The following EIF2B3 variants were observed in gnomAD, a reference collection of about 807,000 sequenced individuals.
EIF2B3 encodes the protein translation initiation factor eIF2B subunit gamma.
In EIF2B3, 20 loss-of-function variants were observed where a neutral mutation model predicts 54.1. The ratio of observed to expected loss-of-function variants is 0.37; its 90% confidence interval spans 0.26 to 0.54. The LOEUF (loss-of-function observed/expected upper bound fraction) is 0.54, where lower values mean the gene tolerates loss of function less well. EIF2B3 is among the 20% of genes least tolerant of loss of function. The probability of loss-of-function intolerance (pLI) is 0.86; values close to 1 mark genes in which losing one functional copy is unlikely to be tolerated. For synonymous variants in EIF2B3, 153 were observed against 188.1 expected, an observed-to-expected ratio of 0.81 and a Z score of 1.52; for missense variants, 448 against 547.8, an observed-to-expected ratio of 0.82 and a Z score of 1.82.
chr1:44,933,070 T>C lies in EIF2B3; in HGVS notation c.455-6331A>G, dbSNP rs1156945041. Among the ~76,000 whole-genome samples the C allele has an allele frequency of 1.3e-5, 2 of 151,994 alleles. 1 individual carries two copies. The highest frequency in any genetic ancestry group is 4.8e-5 in the African/African-American group (2 of 41,378). ...GCTTTAGGAGAGGTACCTTGAAGAA[T>C]TTGAAATTGAGAGGACATCTAGTGT... On this transcript the variant is annotated intron_variant, in intron 4 of 11. Coordinates refer to ENST00000360403, the MANE Select transcript of EIF2B3 (RefSeq NM_020365.5).
intron 4 of EIF2B3, among the ~76,000 whole-genome samples, chr1:44,935,759 C>T (rs1377378645): frequency 6.6e-6 from 1 of 152,160 alleles, no homozygotes; most frequent in Non-Finnish European, 1.5e-5. Flanking sequence ...CCTTGGCCTC[C>T]CAAACTGCTG....
At chr1:44,906,175 TCAG>T (rs1643407567) in intron 5 of EIF2B3, among the ~76,000 whole-genome samples, 1 of 152,222 alleles carries the variant, frequency 6.6e-6, no homozygotes, top group African/African-American at 2.4e-5. Context: ...ATATGACATT[TCAG>T]CAGGTCATGC....
At chr1:44,957,755 C>T (rs562686111) in intron 3 of EIF2B3, among the ~76,000 whole-genome samples, 17 of 151,608 alleles carry the variant, frequency 1.1e-4, no homozygotes, top group Admixed American at 3.3e-4. Context: ...AGCAAGACTC[C>T]GTCTCCAAAA....
rs367765945 is a variant in EIF2B3 at position 44,850,991 on chromosome 1, T to C, written c.1319A>G (p.Asn440Ser). The C allele has an allele frequency of 1.9e-6, 3 of 1,613,974 alleles. No homozygotes were observed. The highest frequency in any genetic ancestry group is 2.5e-6 in the Non-Finnish European group (3 of 1,180,026). ...QRIEAKAKRV[N>S]EVIVGNDQLM... ...CTGGTCATTCCCCACGATCACCTCA[T>C]TCACTCGTTTAGCTACAAAAGAAAA... The change falls in exon 12 of 12, where the codon AAT (asparagine) becomes AGT (serine). Residue 440 changes from asparagine to serine, a missense_variant. Asn to Ser is a conservative substitution (Grantham distance 46, BLOSUM62 1). Around this residue, in one of 3 missense-constraint regions of EIF2B3, gnomAD observed 350 missense variants for 414.2 expected, o/e 0.85. Coordinates refer to ENST00000360403, the MANE Select transcript of EIF2B3 (RefSeq NM_020365.5).
At chr1:44,925,234 C>A (rs1228581330) in intron 5 of EIF2B3, 1 of 152,154 alleles carries the variant, frequency 6.6e-6, no homozygotes, top group East Asian at 1.9e-4. Context: ...TGTCTGTACA[C>A]CCACGTTCAC....
chr1:44,870,247 T>G (rs544335976), intron 10 of EIF2B3, among the ~76,000 whole-genome samples: 124 of 152,224 alleles, frequency 8.1e-4, no homozygotes, highest in African/African-American at 2.9e-3. Flanking sequence ...ACAAAGACTT[T>G]ATCTCTGGGT....
At chr1:44,903,468 AGTT>A (rs1194464162) in intron 5 of EIF2B3, among the ~76,000 whole-genome samples, 1 of 152,170 alleles carries the variant, frequency 6.6e-6, no homozygotes, top group African/African-American at 2.4e-5. Context: ...GGAGGAACTG[AGTT>A]GTTTTTATCC....
At chr1:44,982,233 T>C (rs1644521862) in intron 1 of EIF2B3, among the ~76,000 whole-genome samples, 3 of 152,202 alleles carry the variant, frequency 2.0e-5, no homozygotes, top group African/African-American at 4.8e-5. Context: ...CTATTTGACT[T>C]TGAAAAGAAT....
chr1:44,954,990 T>C (rs992123433), intron 3 of EIF2B3, among the ~76,000 whole-genome samples: 4 of 152,226 alleles, frequency 2.6e-5, no homozygotes, highest in African/African-American at 9.6e-5. Flanking sequence ...ATGTGGTTTT[T>C]GTCATTGTTT....
intron 11 of EIF2B3, among the ~76,000 whole-genome samples, chr1:44,854,809 G>A (rs562605988): frequency 5.3e-5 from 8 of 151,870 alleles, no homozygotes; most frequent in Non-Finnish European, 7.4e-5. Flanking sequence ...GGCTGGTCTC[G>A]AACTCTTGAC....
At chr1:44,960,637 CA>C (rs201917525) in intron 3 of EIF2B3, among the ~76,000 whole-genome samples, 4 of 141,442 alleles carry the variant, frequency 2.8e-5, no homozygotes, top group Admixed American at 7.1e-5. Context: ...GACCCCGTCT[CA>C]AAAAAAAAAG....
At chr1:44,903,055 G>C (rs540433257) in intron 5 of EIF2B3, among the ~76,000 whole-genome samples, 10 of 152,042 alleles carry the variant, frequency 6.6e-5, no homozygotes, top group Admixed American at 4.6e-4. Context: ...CACAGCTACT[G>C]GTCTATGAGA....
intron 11 of EIF2B3, among the ~76,000 whole-genome samples, chr1:44,853,353 G>A (rs1229543082): frequency 6.6e-6 from 1 of 152,102 alleles, no homozygotes; most frequent in Admixed American, 6.6e-5. Flanking sequence ...GCTCGCTCCT[G>A]CAATCCAGCA....
intron 7 of EIF2B3, 87 bp from the exon 8 acceptor site, chr1:44,880,095 T>C (rs1655341819): frequency 1.4e-6 from 2 of 1,442,134 alleles, no homozygotes; most frequent in South Asian, 2.4e-5. Flanking sequence ...TTTTTGTTTA[T>C]TTAAGAGACG....
At chr1:44,916,774 TG>T (rs1479454244) in intron 5 of EIF2B3, among the ~76,000 whole-genome samples, 1 of 148,104 alleles carries the variant, frequency 6.8e-6, no homozygotes, top group Admixed American at 6.8e-5. Context: ...AGTGAGCCAC[TG>T]TACTCCAGCC....
At chr1:44,983,220 T>C (rs1356256622) in intron 1 of EIF2B3, among the ~76,000 whole-genome samples, 3 of 152,238 alleles carry the variant, frequency 2.0e-5, no homozygotes, top group African/African-American at 7.2e-5. Flanking sequence ...GACCGATCTT[T>C]ACTGATTTAA....
chr1:44,888,868 A>G (rs1254350078), intron 6 of EIF2B3, among the ~76,000 whole-genome samples: 1 of 152,192 alleles, frequency 6.6e-6, no homozygotes, highest in East Asian at 1.9e-4. Context: ...GAATTCTGGG[A>G]TTCATGTCAT....
chr1:44,977,769 T>C (rs1436433721), intron 3 of EIF2B3, among the ~76,000 whole-genome samples: 1 of 152,148 alleles, frequency 6.6e-6, no homozygotes, highest in Non-Finnish European at 1.5e-5. Flanking sequence ...CTAGAGTATG[T>C]CTTTTTTTTC....
At chr1:44,972,621 A>AAT (rs142376983) in intron 3 of EIF2B3, 15,450 of 81,692 alleles carry the variant, frequency 0.19, 934 homozygotes, top group East Asian at 0.39. Context: ...ATAATAAATA[A>AAT]ATACACACAC....
Sources: allele counts gnomAD v4.1 joint callset (sites outside exome capture counted in the v4.1 genomes callset), GRCh38; gene constraint gnomAD v4.1.1; regional missense constraint gnomAD v4.1.1; transcripts MANE v1.5; gene names NCBI Gene and HGNC (gene_info 2026-07-23, HGNC 2026-07-21).